WWC1: variants seen among roughly 807,000 people sequenced by gnomAD.
The protein encoded by WWC1 is protein KIBRA.
A neutral mutation model predicts 138.4 loss-of-function variants in WWC1; 55 were observed. The observed-to-expected ratio is 0.40, with a 90% CI of 0.32 to 0.50. WWC1 has a LOEUF of 0.50. Among genes scored for constraint, WWC1 ranks in the 20% least tolerant of loss-of-function variants. The pLI, the probability that WWC1 is intolerant of heterozygous loss-of-function variation, is 0.72. For synonymous variants in WWC1, 524 were observed against 564.9 expected (o/e 0.93, Z 1.03); for missense variants, 1,226 against 1,420.4 (o/e 0.86, Z 2.20).
Position 168,424,174 on chromosome 5 carries a change from C to G in WWC1, c.1810+106C>G, listed in dbSNP as rs1339343997. 2.2e-6 allele frequency: 3 copies of G among 1,361,714 alleles called. No individual in the cohort carries two copies. In the African/African-American group the frequency reaches 4.4e-5, roughly 20 times the overall value. The allele number at this position is 1,361,714 out of a possible 1,614,324, so 84.4% of individuals were successfully genotyped here. On this transcript the variant is annotated intron_variant, in intron 11 of 22. Coordinates refer to ENST00000265293, the MANE Select transcript of WWC1 (RefSeq NM_015238.3). Reference sequence around the variant, plus strand: ...TCTAGTCGATATTTACTGACTGCTTCTGTGTGCTGGGTCTTTGTATGGCAA... The same window carrying G: ...TCTAGTCGATATTTACTGACTGCTTGTGTGTGCTGGGTCTTTGTATGGCAA...
At chr5:168,439,830 C>G (rs920843572) in intron 15 of WWC1, among the ~76,000 whole-genome samples, 2 of 152,122 alleles carry the variant, frequency 1.3e-5, no homozygotes, top group African/African-American at 4.8e-5. Flanking sequence ...CGGGTTTCTG[C>G]CATTTTACAT....
intron 1 of WWC1, among the ~76,000 whole-genome samples, chr5:168,318,701 A>G: frequency 6.6e-6 from 1 of 152,040 alleles, no homozygotes; most frequent in East Asian, 1.9e-4. Context: ...CTGGGATTAC[A>G]GGCACCTGCT....
chr5:168,398,151 T>C (rs978824610), intron 4 of WWC1, among the ~76,000 whole-genome samples: 4 of 152,304 alleles, frequency 2.6e-5, no homozygotes, highest in Non-Finnish European at 4.4e-5. Context: ...TCACCCAGGC[T>C]GGAGTGCAGT....
At chr5:168,455,225 C>G (rs1582366282) in intron 18 of WWC1, 131 bp from the exon 19 acceptor site, 1 of 1,205,386 alleles carries the variant, frequency 8.3e-7, no homozygotes, top group East Asian at 2.6e-5. Context: ...GGGCTAATGC[C>G]AAGGAAACCC....
chr5:168,459,892 G>A (rs985262328), intron 19 of WWC1, among the ~76,000 whole-genome samples: 1 of 152,050 alleles, frequency 6.6e-6, no homozygotes, highest in African/African-American at 2.4e-5. Context: ...CACCTCCCAG[G>A]GGGTGCTGTC....
Position 168,385,246 on chromosome 5 carries a change from C to T in WWC1, c.265C>T (p.Arg89Trp), listed in dbSNP as rs781547786. ...GATTGAGGATCCTCGAGTACAATGGCGGCGGGAGCAGGAACATATGCTGAA... is the reference window on the plus strand; with the variant it reads ...GATTGAGGATCCTCGAGTACAATGGTGGCGGGAGCAGGAACATATGCTGAA... ...TQIEDPRVQW[R>W]REQEHMLKDY... is the part of the protein sequence containing the mutation. The change falls in exon 3 of 23, where the codon CGG becomes TGG. Residue 89 changes from arginine to tryptophan, a missense_variant. Transcript: ENST00000265293. 29 of 1,613,978 alleles carry T rather than the reference C, an allele frequency of 1.8e-5. No individual in the cohort carries two copies. Among genetic ancestry groups the T allele is most frequent in the Middle Eastern group, 1.6e-4 (1 of 6,084 alleles).
intron 1 of WWC1, among the ~76,000 whole-genome samples, chr5:168,313,648 A>G (rs1376071710): frequency 3.3e-5 from 5 of 151,492 alleles, no homozygotes; most frequent in Admixed American, 3.3e-4. Context: ...CTGAATCAGA[A>G]TGTGAATTTT....
intron 1 of WWC1, among the ~76,000 whole-genome samples, chr5:168,359,677 GT>G (rs932481216): frequency 6.6e-6 from 1 of 151,810 alleles, no homozygotes; most frequent in Non-Finnish European, 1.5e-5. Flanking sequence ...TTCAAGGTTA[GT>G]TTTTTTTGTT....
intron 1 of WWC1, among the ~76,000 whole-genome samples, chr5:168,364,012 ACT>A (rs927323410): frequency 9.2e-5 from 14 of 151,560 alleles, no homozygotes; most frequent in African/African-American, 3.2e-4. Flanking sequence ...AACGCGCAGA[ACT>A]CTCTGATTAT....
chr5:168,459,924 G>T lies in WWC1; in HGVS notation c.2824-726G>T, dbSNP rs571100029. On this transcript the variant is annotated intron_variant, in intron 19 of 22. Coordinates refer to ENST00000265293, the MANE Select transcript of WWC1 (RefSeq NM_015238.3). ...TGTCATCCTACCCACTCTCCCTTGC[G>T]CTCCTTAGGGGTGGGACACATTCTC... 2.0e-5 allele frequency among the ~76,000 whole-genome samples: 3 copies of T among 152,108 alleles called. No homozygotes were observed. The South Asian group carries it at 6.2e-4, about 32-fold the overall frequency.
At chr5:168,370,763 C>T (rs1366426870) in intron 1 of WWC1, among the ~76,000 whole-genome samples, 1 of 152,210 alleles carries the variant, frequency 6.6e-6, no homozygotes, top group Non-Finnish European at 1.5e-5. Context: ...TGATTACTAC[C>T]ACTTTGATCC....
chr5:168,292,885 G>C lies in WWC1; in HGVS notation c.119+614G>C, dbSNP rs537782799. Among the ~76,000 whole-genome samples, 15 of 152,304 alleles carry C rather than the reference G, an allele frequency of 9.8e-5. No homozygotes were observed. The East Asian group carries it at 2.7e-3, about 28-fold the overall frequency. On this transcript the variant is annotated intron_variant, in intron 1 of 22. Coordinates refer to ENST00000265293, the MANE Select transcript of WWC1 (RefSeq NM_015238.3). The surrounding 1 kb of genome is among the most constrained non-coding windows in gnomAD (Gnocchi z 4.4). Reference sequence around the variant, plus strand: ...GAGGGTGGGGAGGAAGTGAAGAAGCGGGGGAGGGCAGATGAGGGAGACTGG... The same window carrying C: ...GAGGGTGGGGAGGAAGTGAAGAAGCCGGGGAGGGCAGATGAGGGAGACTGG...
At chr5:168,341,539 A>G (rs897704894) in intron 1 of WWC1, among the ~76,000 whole-genome samples, 3 of 151,926 alleles carry the variant, frequency 2.0e-5, no homozygotes, top group Admixed American at 6.6e-5. Flanking sequence ...GAGAGACCCA[A>G]ATTCCCATCC....
intron 1 of WWC1, among the ~76,000 whole-genome samples, chr5:168,364,520 G>C (rs553734285): frequency 6.6e-6 from 1 of 152,342 alleles, no homozygotes; most frequent in Admixed American, 6.5e-5. Flanking sequence ...TTTGGAGTGT[G>C]AGTCTTGTTC....
intron 8 of WWC1, among the ~76,000 whole-genome samples, chr5:168,413,811 C>G (rs1043599397): frequency 6.6e-5 from 10 of 152,218 alleles, no homozygotes; most frequent in African/African-American, 2.4e-4. Flanking sequence ...CCTTCCCAAT[C>G]ATTCTGATGA....
At chr5:168,340,339 G>A (rs375932059) in intron 1 of WWC1, among the ~76,000 whole-genome samples, 3 of 152,158 alleles carry the variant, frequency 2.0e-5, no homozygotes, top group East Asian at 3.8e-4. Context: ...GCCTCCCAAA[G>A]TGCTGCGATT....
chr5:168,326,280 T>C (rs1344412020), intron 1 of WWC1, among the ~76,000 whole-genome samples: 2 of 148,030 alleles, frequency 1.4e-5, no homozygotes, highest in East Asian at 3.9e-4. Context: ...TGCAATAGCG[T>C]GATCTCGGCT....
rs1561712032 is a variant in WWC1, at chr5:168,403,014, CTTTCTT to C, written c.591-3182_591-3177del. On this transcript the variant is annotated intron_variant, in intron 5 of 22. Transcript: ENST00000265293. ...AAAGCTCTGTTGTTTCTTTTTCTTT[CTTTCTT>C]TCTTTCTTTCTTTCTTTCTTTCTTT... is the stretch of plus-strand genomic sequence containing the variant. 4.2e-4 allele frequency among the ~76,000 whole-genome samples: 30 copies of C among 70,810 alleles called. 1 individual carries two copies. The highest frequency in any genetic ancestry group is 2.1e-3 in the South Asian group (5 of 2,378). 46.5% of individuals were successfully genotyped at this position (70,810 alleles called of 152,430 possible). A position where few individuals can be genotyped will look rare whatever the true frequency, so the allele number is the denominator to read the frequency against.
intron 2 of WWC1, among the ~76,000 whole-genome samples, chr5:168,375,887 T>C (rs1777129436): frequency 6.6e-6 from 1 of 152,060 alleles, no homozygotes; most frequent in African/African-American, 2.4e-5. Flanking sequence ...CAGACAACTG[T>C]TTCTAAAACA....
Sources: gnomAD v4.1 joint callset for allele counts (sites outside exome capture counted in the v4.1 genomes callset) on GRCh38, gnomAD v4.1.1 for gene constraint, Gnocchi (gnomAD v3.1) non-coding constraint, MANE v1.5 for transcripts, NCBI Gene and HGNC (gene_info 2026-07-23, HGNC 2026-07-21) for gene names.